The following PAK5 variants were observed in gnomAD, a reference collection of about 807,000 sequenced individuals.
PAK5 encodes p21 (RAC1) activated kinase 5, also known as serine/threonine-protein kinase PAK 5.
A neutral mutation model predicts 65.9 loss-of-function variants in PAK5; 16 were observed. The observed-to-expected ratio is 0.24, with a 90% confidence interval of 0.16 to 0.37. PAK5 has a LOEUF of 0.37. Among genes scored for constraint, PAK5 ranks in the 10% least tolerant of loss-of-function variants. The pLI, the probability that PAK5 is intolerant of heterozygous loss-of-function variation, is 1.00. For synonymous variants in PAK5, 371 were observed against 354.9 expected (o/e 1.05, Z -0.51); for missense variants, 785 against 903.9 (o/e 0.87, Z 1.69).
intron 2 of PAK5, among the ~76,000 whole-genome samples, chr20:9,668,408 A>T (rs1326266885): frequency 6.6e-6 from 1 of 152,184 alleles, no homozygotes; most frequent in Non-Finnish European, 1.5e-5. Context: ...TCATGATTAG[A>T]TGAAAAATAT....
intron 1 of PAK5, among the ~76,000 whole-genome samples, chr20:9,735,030 A>G (rs1275290603): frequency 1.3e-5 from 2 of 152,258 alleles, no homozygotes; most frequent in Non-Finnish European, 2.9e-5. Flanking sequence ...AATATTTACT[A>G]GCTATGTGCT....
intron 6 of PAK5, among the ~76,000 whole-genome samples, chr20:9,558,380 G>A (rs1018148445): frequency 2.0e-5 from 3 of 152,038 alleles, no homozygotes; most frequent in African/African-American, 7.2e-5. Context: ...CTCCCAAAGT[G>A]CTGGGATTAC....
At chr20:9,610,001 T>C (rs1048883487) in intron 3 of PAK5, among the ~76,000 whole-genome samples, 5 of 152,224 alleles carry the variant, frequency 3.3e-5, no homozygotes, top group African/African-American at 7.2e-5. Flanking sequence ...TGTTTTGTTT[T>C]GTTTTAAATA....
At chr20:9,640,933 G>A (rs530027331) in intron 3 of PAK5, among the ~76,000 whole-genome samples, 28 of 152,290 alleles carry the variant, frequency 1.8e-4, no homozygotes, top group South Asian at 1.7e-3. Flanking sequence ...TGCAAAGAGC[G>A]AAAGAACAAA....
intron 2 of PAK5, among the ~76,000 whole-genome samples, chr20:9,708,924 T>C (rs745356930): frequency 1.4e-5 from 1 of 72,948 alleles, no homozygotes; most frequent in South Asian, 7.8e-4. Context: ...TTTTCTGTCT[T>C]CCTTCCTTCC....
At chr20:9,722,979 C>A (rs551746797) in intron 1 of PAK5, among the ~76,000 whole-genome samples, 2 of 152,072 alleles carry the variant, frequency 1.3e-5, no homozygotes, top group Admixed American at 6.6e-5. Flanking sequence ...GATCCTCCCC[C>A]CCTCATTCTC....
intron 3 of PAK5, among the ~76,000 whole-genome samples, chr20:9,585,216 C>T (rs2046048389): frequency 6.6e-6 from 1 of 152,178 alleles, no homozygotes; most frequent in South Asian, 2.1e-4. Context: ...CTTCCCATCT[C>T]TGAATACACA....
chr20:9,751,409 C>T (rs2048575847), intron 1 of PAK5, among the ~76,000 whole-genome samples: 1 of 152,126 alleles, frequency 6.6e-6, no homozygotes, highest in Non-Finnish European at 1.5e-5. Context: ...CATTAGCTTG[C>T]TTCTCTCTCC....
chr20:9,640,618 G>A (rs372507788), intron 3 of PAK5, among the ~76,000 whole-genome samples: 4 of 152,112 alleles, frequency 2.6e-5, no homozygotes, highest in Non-Finnish European at 4.4e-5. Context: ...ATGAAGCCGC[G>A]GACCCTCGCG....
intron 3 of PAK5, among the ~76,000 whole-genome samples, chr20:9,637,280 A>C (rs2046994601): frequency 6.6e-6 from 1 of 152,216 alleles, no homozygotes; most frequent in Non-Finnish European, 1.5e-5. Flanking sequence ...GTGCTGGATT[A>C]CAGGCATGTG....
At chr20:9,567,244 G>C (rs1161718562) in intron 4 of PAK5, among the ~76,000 whole-genome samples, 2 of 152,104 alleles carry the variant, frequency 1.3e-5, no homozygotes. Context: ...CACAGTGCTG[G>C]ATACATAGAA....
intron 2 of PAK5, among the ~76,000 whole-genome samples, chr20:9,688,087 A>T (rs931372852): frequency 3.3e-5 from 5 of 152,044 alleles, no homozygotes; most frequent in African/African-American, 1.2e-4. Flanking sequence ...GGTGAGAGAG[A>T]GGCCAGAGCC....
Position 9,580,359 on chromosome 20 carries a change from G to C in PAK5, c.776C>G (p.Pro259Arg). Reference sequence around the variant, plus strand: ...CCTCCTGTCATAGTCATCCAGGCTGGGTCCCCATTCACTTTCACTGTACGC... The same window carrying C: ...CCTCCTGTCATAGTCATCCAGGCTGCGTCCCCATTCACTTTCACTGTACGC... ...SLAYSESEWG[P>R]SLDDYDRRPK... Residue 259 changes from proline (P) to arginine (R), a missense_variant, in exon 4 of 10, where the codon CCC (proline) becomes CGC (arginine). Pro to Arg is a moderately radical substitution (Grantham distance 103, BLOSUM62 -2). Coordinates refer to ENST00000353224, the MANE Select transcript of PAK5 (RefSeq NM_177990.4). 1 of 1,614,040 alleles carries C rather than the reference G, an allele frequency of 6.2e-7. No individual in the cohort carries two copies. The highest frequency in any genetic ancestry group is 2.2e-5 in the East Asian group (1 of 44,870).
At chr20:9,692,871 T>TA (rs575542773) in intron 2 of PAK5, among the ~76,000 whole-genome samples, 5 of 151,856 alleles carry the variant, frequency 3.3e-5, no homozygotes, top group East Asian at 1.9e-4. Flanking sequence ...GTTTCTTCAT[T>TA]AAAAAAAATT....
chr20:9,802,676 A>G (rs897942480), intron 1 of PAK5, among the ~76,000 whole-genome samples: 1 of 151,810 alleles, frequency 6.6e-6, no homozygotes, highest in African/African-American at 2.4e-5. Context: ...GAAGAAAAAT[A>G]TAATCTCAGG....
intron 1 of PAK5, among the ~76,000 whole-genome samples, chr20:9,835,694 A>T (rs1378019022): frequency 1.3e-5 from 2 of 152,136 alleles, no homozygotes; most frequent in Non-Finnish European, 2.9e-5. Context: ...GAAATAATTT[A>T]TCAAGATGTA....
intron 1 of PAK5, among the ~76,000 whole-genome samples, chr20:9,833,862 C>T (rs1357702436): frequency 6.6e-6 from 1 of 152,060 alleles, no homozygotes; most frequent in African/African-American, 2.4e-5. Context: ...TTATATATTT[C>T]TTATTATTCA....
At chr20:9,583,510 G>C (rs1159731026) in intron 3 of PAK5, among the ~76,000 whole-genome samples, 1 of 152,186 alleles carries the variant, frequency 6.6e-6, no homozygotes, top group Admixed American at 6.5e-5. Flanking sequence ...TTAAGTTAGT[G>C]TCTTTTTTCC....
chr20:9,784,385 G>T (rs1013823148), intron 1 of PAK5: 7 of 152,154 alleles, frequency 4.6e-5, no homozygotes, highest in Admixed American at 2.6e-4. Context: ...GCGAAAGTTG[G>T]AAATACAGCT....
Sources: gnomAD v4.1 joint callset for allele counts (sites outside exome capture counted in the v4.1 genomes callset) on GRCh38, gnomAD v4.1.1 for gene constraint, MANE v1.5 for transcripts, NCBI Gene and HGNC (gene_info 2026-07-23, HGNC 2026-07-21) for gene names.